ADAM20: variants seen among roughly 807,000 people sequenced by gnomAD.
The protein encoded by ADAM20 is disintegrin and metalloproteinase domain-containing protein 20.
For missense variants in ADAM20, 871 were observed against 883.2 expected (o/e 0.99, Z 0.18); for synonymous variants, 305 against 310.2 (o/e 0.98, Z 0.18).
At chr14:70,536,447 C>A (rs915691934), upstream of ADAM20, among the ~76,000 whole-genome samples, 1 of 65,296 alleles carries the variant, frequency 1.5e-5, no homozygotes, top group African/African-American at 5.5e-5. Context: ...GCCTGGGCAA[C>A]AGAGCAAAAC....
At chr14:70,552,995 T>C in the ADAM20 span, among the ~76,000 whole-genome samples, 2 of 46,808 alleles carry the variant, frequency 4.3e-5, no homozygotes, top group Admixed American at 5.6e-4. Context: ...AATGATGAGT[T>C]CATATCCTTT....
the ADAM20 span, among the ~76,000 whole-genome samples, chr14:70,540,928 G>A: frequency 2.0e-5 from 3 of 152,162 alleles, no homozygotes; most frequent in East Asian, 1.9e-4. Context: ...GAGTAGCTGG[G>A]ACTATTGGCA....
Position 70,522,901 on chromosome 14 carries a change from G to A in ADAM20, c.1857C>T (p.Ile619=), listed in dbSNP as rs1883484539. The change falls in exon 2 of 2, where the codon ATC becomes ATT. Residue 619 remains isoleucine (I), a synonymous_variant. Coordinates refer to ENST00000256389, the MANE Select transcript of ADAM20 (RefSeq NM_003814.5). ...KDGTVCGPEK[I]CIRKKCASMV... ...TACTGGCACACTTCTTACGGATGCA[G>A]ATCTTTTCTGGACCACATACTGTGC... The A allele has an allele frequency of 6.2e-7, 1 of 1,614,066 alleles. No individual in the cohort carries two copies. The highest frequency in any genetic ancestry group is 1.7e-4 in the Middle Eastern group (1 of 6,060).
the ADAM20 span, among the ~76,000 whole-genome samples, chr14:70,569,272 G>A: frequency 6.6e-6 from 1 of 152,128 alleles, no homozygotes; most frequent in African/African-American, 2.4e-5. Flanking sequence ...AATATTCACA[G>A]AAGTTCTAAA....
At chr14:70,539,447 G>C (rs997075936), upstream of ADAM20, among the ~76,000 whole-genome samples, 2 of 152,198 alleles carry the variant, frequency 1.3e-5, no homozygotes, top group African/African-American at 4.8e-5. Flanking sequence ...CGCATGAGGG[G>C]CGCCTGTCCA....
chr14:70,568,485 T>C, the ADAM20 span, among the ~76,000 whole-genome samples: 1 of 152,232 alleles, frequency 6.6e-6, no homozygotes, highest in African/African-American at 2.4e-5. Context: ...CAGGATGTCC[T>C]GACACCTCCA....
the ADAM20 span, among the ~76,000 whole-genome samples, chr14:70,562,415 T>C: frequency 3.3e-5 from 5 of 152,332 alleles, no homozygotes; most frequent in East Asian, 9.6e-4. Context: ...GACTTTGGAT[T>C]GTGGACTTTT....
chr14:70,566,860 T>C, the ADAM20 span, among the ~76,000 whole-genome samples: 1 of 152,156 alleles, frequency 6.6e-6, no homozygotes, highest in East Asian at 1.9e-4. Context: ...CAGGTGCCTA[T>C]AATCCCAGCT....
At position 70,524,539 on chromosome 14, in the gene ADAM20, A is replaced by G. The variant is rs935089066; in HGVS notation, c.219T>C (p.Ile73=). Residue 73 remains isoleucine, a synonymous_variant, in exon 2 of 2, where the codon ATT becomes ATC. Coordinates refer to ENST00000256389, the MANE Select transcript of ADAM20 (RefSeq NM_003814.5). ...YSLRFGGQRY[I]VHMRVNKLLF... ...ACAGCTTATTTACCCTCATGTGGACAATGTATCTCTGTCCCCCAAACCGCA... is the reference window on the plus strand; with the variant it reads ...ACAGCTTATTTACCCTCATGTGGACGATGTATCTCTGTCCCCCAAACCGCA... 1.2e-5 allele frequency: 19 copies of G among 1,613,976 alleles called. No homozygotes were observed. The highest frequency in any genetic ancestry group is 1.6e-5 in the Non-Finnish European group (19 of 1,179,928).
chr14:70,546,894 C>A, the ADAM20 span, among the ~76,000 whole-genome samples: 1 of 151,868 alleles, frequency 6.6e-6, no homozygotes, highest in African/African-American at 2.4e-5. Context: ...CAAAAAACAA[C>A]AACAACAACA....
the ADAM20 span, among the ~76,000 whole-genome samples, chr14:70,571,447 T>C: frequency 0.051 from 7,830 of 152,300 alleles, 260 homozygotes; most frequent in Middle Eastern, 0.099. Flanking sequence ...AGAATGTGTC[T>C]GCTTTCCCTT....
chr14:70,575,051 T>C, the ADAM20 span, among the ~76,000 whole-genome samples: 1 of 151,930 alleles, frequency 6.6e-6, no homozygotes, highest in Non-Finnish European at 1.5e-5. Context: ...GGAAGAAACA[T>C]GAAATTGTTT....
the ADAM20 span, among the ~76,000 whole-genome samples, chr14:70,569,626 T>C: frequency 2.0e-5 from 3 of 152,052 alleles, no homozygotes; most frequent in African/African-American, 4.8e-5. Flanking sequence ...GAGTTGCTAT[T>C]CTTGTAGCAC....
the ADAM20 span, among the ~76,000 whole-genome samples, chr14:70,570,367 T>TA: frequency 1.3e-5 from 2 of 151,814 alleles, no homozygotes; most frequent in African/African-American, 2.4e-5. Context: ...ACAAAATTGA[T>TA]AGAGTGCTAG....
At chr14:70,555,976 G>A in the ADAM20 span, among the ~76,000 whole-genome samples, 1 of 152,086 alleles carries the variant, frequency 6.6e-6, no homozygotes, top group Non-Finnish European at 1.5e-5. Context: ...ATGCGGTGGC[G>A]GCCAACAAAC....
At chr14:70,566,895 T>C in the ADAM20 span, among the ~76,000 whole-genome samples, 1 of 152,062 alleles carries the variant, frequency 6.6e-6, no homozygotes. Flanking sequence ...GGCAGGAGAA[T>C]TGCTCGAACC....
At chr14:70,568,269 C>A in the ADAM20 span, among the ~76,000 whole-genome samples, 96 of 152,138 alleles carry the variant, frequency 6.3e-4, 1 homozygote, top group Admixed American at 2.6e-4. Context: ...CCACAACCAA[C>A]GTACCCATAT....
rs2139526322 is a variant in ADAM20, at chr14:70,522,499, G to C, written c.*78C>G. On this transcript the variant is annotated 3_prime_UTR_variant, in exon 2 of 2. Transcript: ENST00000256389. ...AGTTTTATTTAAACAGTGAGACATGGCTTCATATTTTTCTATTAAAAAATT... is the reference window on the plus strand; with the variant it reads ...AGTTTTATTTAAACAGTGAGACATGCCTTCATATTTTTCTATTAAAAAATT... 1 of 1,334,108 alleles carries C rather than the reference G, an allele frequency of 7.5e-7. No homozygotes were observed. Among genetic ancestry groups the C allele is most frequent in the South Asian group, 1.6e-5 (1 of 63,406 alleles). The allele number at this position is 1,334,108 out of a possible 1,614,324, so 82.6% of individuals were successfully genotyped here. A position where few individuals can be genotyped will look rare whatever the true frequency, so the allele number is the denominator to read the frequency against.
the ADAM20 span, among the ~76,000 whole-genome samples, chr14:70,544,295 G>A: frequency 3.0e-4 from 46 of 152,282 alleles, 1 homozygote; most frequent in South Asian, 5.6e-3. Flanking sequence ...TTTGACTGTT[G>A]AGCCGCTTTT....
Sources: gnomAD v4.1 joint callset for allele counts (sites outside exome capture counted in the v4.1 genomes callset) on GRCh38, gnomAD v4.1.1 for gene constraint, MANE v1.5 for transcripts, NCBI Gene and HGNC (gene_info 2026-07-23, HGNC 2026-07-21) for gene names.